Variants in TENM2 observed in about 807,000 individuals in gnomAD.
TENM2 encodes teneurin transmembrane protein 2.
A neutral mutation model predicts 245.2 loss-of-function variants in TENM2; 52 were observed. The observed-to-expected ratio is 0.21, with a 90% CI of 0.17 to 0.27. The LOEUF (loss-of-function observed/expected upper bound fraction) is 0.27. Among genes scored for constraint, TENM2 ranks in the 10% least tolerant of loss-of-function variants. The pLI, the probability that TENM2 is intolerant of heterozygous loss-of-function variation, is 1.00. For synonymous variants in TENM2, 1,363 were observed against 1,438.9 expected (o/e 0.95, Z 1.19); for missense variants, 3,046 against 3,666.8 (o/e 0.83, Z 4.37).
chr5:167,328,545 C>T (rs371961207), intron 1 of TENM2, among the ~76,000 whole-genome samples: 64 of 152,226 alleles, frequency 4.2e-4, no homozygotes, highest in African/African-American at 1.3e-3. Context: ...AAGCTCTTCC[C>T]GCTTATTAAA....
At chr5:167,416,138 G>A (rs1763157475) in intron 2 of TENM2, among the ~76,000 whole-genome samples, 1 of 152,144 alleles carries the variant, frequency 6.6e-6, no homozygotes, top group South Asian at 2.1e-4. Context: ...AGCGATTCAG[G>A]AAGAAATCAA....
At chr5:167,632,047 C>A (rs1438971061) in intron 2 of TENM2, among the ~76,000 whole-genome samples, 1 of 152,108 alleles carries the variant, frequency 6.6e-6, no homozygotes, top group African/African-American at 2.4e-5. Flanking sequence ...ATGTTCACTG[C>A]CCCAAGAAAG....
the TENM2 span, among the ~76,000 whole-genome samples, chr5:167,151,588 G>A: frequency 5.3e-3 from 806 of 151,878 alleles, 8 homozygotes; most frequent in African/African-American, 0.018. Flanking sequence ...GTGCAGTCTC[G>A]GCTCACTGCA....
chr5:167,881,410 G>A (rs74548364), intron 3 of TENM2, among the ~76,000 whole-genome samples: 3,585 of 152,174 alleles, frequency 0.024, 85 homozygotes, highest in African/African-American at 0.061. Context: ...GCTTCACTCC[G>A]TTCTTCAGGG....
At chr5:167,202,139 T>A in the TENM2 span, among the ~76,000 whole-genome samples, 1 of 151,532 alleles carries the variant, frequency 6.6e-6, no homozygotes, top group Non-Finnish European at 1.5e-5. Flanking sequence ...CACAGCAAAC[T>A]CTCTGAACAA....
the TENM2 span, among the ~76,000 whole-genome samples, chr5:167,153,884 A>G: frequency 6.6e-6 from 1 of 152,190 alleles, no homozygotes; most frequent in Non-Finnish European, 1.5e-5. Context: ...ATTTTCTAAT[A>G]TTCATTTTTC....
At chr5:167,430,684 CA>C (rs1179627913) in intron 2 of TENM2, among the ~76,000 whole-genome samples, 1 of 152,136 alleles carries the variant, frequency 6.6e-6, no homozygotes, top group Non-Finnish European at 1.5e-5. Context: ...AACAGAATCC[CA>C]AAACAGGTTT....
the TENM2 span, among the ~76,000 whole-genome samples, chr5:167,068,685 G>A: frequency 2.6e-5 from 4 of 152,034 alleles, no homozygotes; most frequent in African/African-American, 4.8e-5. Flanking sequence ...CCTGGGGCTT[G>A]AAATGGTATC....
At chr5:167,498,306 T>A (rs1192628022) in intron 2 of TENM2, among the ~76,000 whole-genome samples, 1 of 152,152 alleles carries the variant, frequency 6.6e-6, no homozygotes, top group African/African-American at 2.4e-5. Flanking sequence ...TCTCCAGACA[T>A]TGTCTTGATT....
At chr5:167,196,541 T>C in the TENM2 span, among the ~76,000 whole-genome samples, 29 of 149,906 alleles carry the variant, frequency 1.9e-4, no homozygotes, top group Admixed American at 4.0e-4. Context: ...TGTGTACATA[T>C]ATGTGTGTAT....
intron 1 of TENM2, among the ~76,000 whole-genome samples, chr5:167,290,475 G>A (rs139280080): frequency 0.014 from 2,099 of 152,184 alleles, 27 homozygotes; most frequent in Middle Eastern, 0.02. Flanking sequence ...CAGAAGTGGC[G>A]ATCACTTGCT....
intron 3 of TENM2, among the ~76,000 whole-genome samples, chr5:167,949,435 C>G (rs889290249): frequency 6.6e-6 from 1 of 152,170 alleles, no homozygotes; most frequent in African/African-American, 2.4e-5. Flanking sequence ...TTTTCCTACT[C>G]AAATCTGGGG....
chr5:168,113,399 G>A (rs1794834236), intron 9 of TENM2, among the ~76,000 whole-genome samples: 1 of 152,094 alleles, frequency 6.6e-6, no homozygotes, highest in Non-Finnish European at 1.5e-5. Context: ...TACATTATTT[G>A]AAATTCCCTC....
chr5:167,992,416 C>G (rs904934958), intron 4 of TENM2, among the ~76,000 whole-genome samples: 1 of 152,182 alleles, frequency 6.6e-6, no homozygotes, highest in African/African-American at 2.4e-5. Context: ...GTATCTAGCT[C>G]TATCCATGTT....
the TENM2 span, among the ~76,000 whole-genome samples, chr5:167,192,408 C>T: frequency 6.6e-6 from 1 of 152,080 alleles, no homozygotes; most frequent in African/African-American, 2.4e-5. Flanking sequence ...TTCCAGGCTG[C>T]TAGCCCAGCA....
chr5:168,236,265 A>G (rs960939286), intron 25 of TENM2, among the ~76,000 whole-genome samples: 3 of 152,138 alleles, frequency 2.0e-5, no homozygotes, highest in Non-Finnish European at 4.4e-5. Context: ...AGGATAACAA[A>G]TATAGCTTAT....
chr5:167,268,867 A>AAGAT, the TENM2 span, among the ~76,000 whole-genome samples: 15 of 127,014 alleles, frequency 1.2e-4, no homozygotes, highest in South Asian at 5.3e-4. Context: ...TCCTTTCCAA[A>AAGAT]AGATACATAG....
the TENM2 span, among the ~76,000 whole-genome samples, chr5:167,210,200 A>G: frequency 3.3e-5 from 5 of 152,188 alleles, no homozygotes; most frequent in Admixed American, 2.6e-4. Flanking sequence ...CTTATCTAAG[A>G]CCACTTAGCT....
chr5:167,126,883 C>T, the TENM2 span, among the ~76,000 whole-genome samples: 1 of 152,174 alleles, frequency 6.6e-6, no homozygotes, highest in South Asian at 2.1e-4. Context: ...AATGGTTGGG[C>T]TTTAGACTGT....
Sources: allele counts gnomAD v4.1 joint callset (sites outside exome capture counted in the v4.1 genomes callset), GRCh38; gene constraint gnomAD v4.1.1; transcripts MANE v1.5; gene names NCBI Gene and HGNC (gene_info 2026-07-23, HGNC 2026-07-21).